Variants in SRBD1 observed in about 807,000 individuals in gnomAD.
SRBD1 encodes the protein S1 RNA-binding domain-containing protein 1.
A neutral mutation model predicts 115.3 loss-of-function variants in SRBD1; 88 were observed. The ratio of observed to expected loss-of-function variants is 0.76; its 90% CI spans 0.64 to 0.91. SRBD1 has a LOEUF of 0.91. Among genes scored for constraint, SRBD1 ranks in the 40% least tolerant of loss-of-function variants. The probability of loss-of-function intolerance (pLI) is 0.00; values close to 1 mark genes in which losing one functional copy is unlikely to be tolerated. For missense variants in SRBD1, 1,385 were observed against 1,177.4 expected, an observed-to-expected ratio of 1.18 and a Z score of -2.58; for synonymous variants, 509 against 407.7, an observed-to-expected ratio of 1.25 and a Z score of -2.99.
At chr2:45,422,250 G>C (rs1668028353) in intron 16 of SRBD1, among the ~76,000 whole-genome samples, 1 of 152,196 alleles carries the variant, frequency 6.6e-6, no homozygotes, top group Non-Finnish European at 1.5e-5. Flanking sequence ...CTCTGCAGCA[G>C]ATTATTTTGG....
intron 4 of SRBD1, among the ~76,000 whole-genome samples, chr2:45,598,587 A>G (rs953754676): frequency 2.6e-5 from 4 of 151,924 alleles, no homozygotes; most frequent in Admixed American, 2.0e-4. Flanking sequence ...CCTGGGCGAC[A>G]GAGCAAGACA....
At chr2:45,481,022 T>C (rs1669947489) in intron 15 of SRBD1, among the ~76,000 whole-genome samples, 1 of 152,144 alleles carries the variant, frequency 6.6e-6, no homozygotes, top group South Asian at 2.1e-4. Flanking sequence ...ACCACTCTGG[T>C]CAGCAACCAT....
At chr2:45,418,689 A>AAC in intron 17 of SRBD1, 148 bp from the exon 18 acceptor site, 1 of 669,560 alleles carries the variant, frequency 1.5e-6, no homozygotes, top group South Asian at 3.4e-5. Flanking sequence ...AAAAAAAAAC[A>AAC]AAAAAAAAAC....
At chr2:45,534,507 G>C (rs2103991947) in intron 14 of SRBD1, among the ~76,000 whole-genome samples, 1 of 151,892 alleles carries the variant, frequency 6.6e-6, no homozygotes, top group South Asian at 2.1e-4. Context: ...AAATAACACA[G>C]CACCTTAACT....
chr2:45,583,679 G>C (rs1359927013), intron 5 of SRBD1, among the ~76,000 whole-genome samples: 1 of 152,088 alleles, frequency 6.6e-6, no homozygotes, highest in South Asian at 2.1e-4. Flanking sequence ...TGTAGGGGTA[G>C]CAATTAACAA....
chr2:45,553,562 A>G, intron 11 of SRBD1, 61 bp downstream of exon 11: 1 of 1,058,482 alleles, frequency 9.4e-7, no homozygotes, highest in Non-Finnish European at 1.3e-6. Flanking sequence ...ACACACTGTA[A>G]TGGTACTAGT....
intron 16 of SRBD1, among the ~76,000 whole-genome samples, chr2:45,456,491 C>G (rs867737243): frequency 1.3e-5 from 2 of 151,732 alleles, no homozygotes; most frequent in African/African-American, 4.8e-5. Context: ...AATTGAGGGA[C>G]AGAAAATATT....
At chr2:45,587,086 ATTTT>A (rs1227296473) in intron 4 of SRBD1, among the ~76,000 whole-genome samples, 4 of 130,918 alleles carry the variant, frequency 3.1e-5, no homozygotes, top group African/African-American at 9.9e-5. Context: ...AATATTTAAA[ATTTT>A]TTAAATATTT....
intron 14 of SRBD1, among the ~76,000 whole-genome samples, chr2:45,531,386 C>CA (rs560730401): frequency 1.4e-3 from 214 of 151,814 alleles, no homozygotes; most frequent in African/African-American, 5.1e-3. Flanking sequence ...ATACTATTTA[C>CA]AAAAAAGTTT....
intron 16 of SRBD1, among the ~76,000 whole-genome samples, chr2:45,458,804 C>T (rs1669226483): frequency 6.6e-6 from 1 of 152,142 alleles, no homozygotes; most frequent in Non-Finnish European, 1.5e-5. Context: ...GAAGTCTCTT[C>T]AGGTATTTTA....
intron 1 of SRBD1, among the ~76,000 whole-genome samples, chr2:45,608,789 C>T (rs1437001494): frequency 6.6e-6 from 1 of 151,884 alleles, no homozygotes; most frequent in Non-Finnish European, 1.5e-5. Context: ...GTGGCACCCA[C>T]CTATTTGCTA....
Position 45,546,776 on chromosome 2 carries a change from G to A in SRBD1, c.1830C>T (p.Asp610=), listed in dbSNP as rs1672133592. 2.5e-6 allele frequency: 4 copies of A among 1,613,950 alleles called. No individual in the cohort carries two copies. The highest frequency in any genetic ancestry group is 1.1e-5 in the South Asian group (1 of 91,084). ...GTGCAAAATAATTCTTCATTATCAGGTCAGCAAAGTAAGCTTCTGTTTCCC... is the reference window on the plus strand; with the variant it reads ...GTGCAAAATAATTCTTCATTATCAGATCAGCAAAGTAAGCTTCTGTTTCCC... ...ACRETEAYFA[D]LIMKNYFAPL... is the part of the protein sequence containing the mutation. The change falls in exon 14 of 21, where the codon GAC becomes GAT. Residue 610 remains aspartate, a synonymous_variant. Transcript: ENST00000263736.
chr2:45,502,692 G>A (rs1222655285), intron 14 of SRBD1, among the ~76,000 whole-genome samples: 13 of 148,312 alleles, frequency 8.8e-5, no homozygotes, highest in African/African-American at 2.7e-4. Flanking sequence ...GGGGTGGGGG[G>A]AAGGGGGAGG....
At chr2:45,466,096 G>A (rs1669478296) in intron 16 of SRBD1, among the ~76,000 whole-genome samples, 1 of 152,186 alleles carries the variant, frequency 6.6e-6, no homozygotes, top group Non-Finnish European at 1.5e-5. Flanking sequence ...TATTGCACTA[G>A]AAGAGGAACA....
At chr2:45,463,153 C>T (rs1026791090) in intron 16 of SRBD1, among the ~76,000 whole-genome samples, 4 of 151,942 alleles carry the variant, frequency 2.6e-5, no homozygotes, top group Non-Finnish European at 4.4e-5. Flanking sequence ...ATAGATTGGA[C>T]GGAGAACTTT....
At chr2:45,566,358 T>C (rs1011668828) in intron 9 of SRBD1, among the ~76,000 whole-genome samples, 3 of 152,218 alleles carry the variant, frequency 2.0e-5, no homozygotes, top group African/African-American at 7.2e-5. Context: ...ATCCATATAA[T>C]GTAATATTAC....
At chr2:45,499,278 G>A (rs1670554235) in intron 14 of SRBD1, among the ~76,000 whole-genome samples, 1 of 151,804 alleles carries the variant, frequency 6.6e-6, no homozygotes, top group South Asian at 2.1e-4. Context: ...TATATCTAGT[G>A]GTTATCTGTA....
At position 45,574,611 on chromosome 2, in the gene SRBD1, T is replaced by G. The variant is rs376017789; in HGVS notation, c.1169+16A>C. 1 of 1,610,664 alleles carries G rather than the reference T, an allele frequency of 6.2e-7. No homozygotes were observed. The highest frequency in any genetic ancestry group is 1.3e-5 in the African/African-American group (1 of 74,718). ...TGAGTCCATAAAGCAGAAAACTCCA[T>G]AAAAGAGATACTCACAAGTTCCGAA... On this transcript the variant is annotated intron_variant, in intron 8 of 20. Transcript: ENST00000263736.
At chr2:45,440,904 G>A (rs1173451914) in intron 16 of SRBD1, among the ~76,000 whole-genome samples, 3 of 152,150 alleles carry the variant, frequency 2.0e-5, no homozygotes, top group South Asian at 2.1e-4. Flanking sequence ...TTGTCTGTTT[G>A]AGGAGACAGA....
Sources: allele counts gnomAD v4.1 joint callset (sites outside exome capture counted in the v4.1 genomes callset), GRCh38; gene constraint gnomAD v4.1.1; transcripts MANE v1.5; gene names NCBI Gene and HGNC (gene_info 2026-07-23, HGNC 2026-07-21).